Variants in AVL9 observed in about 807,000 individuals in gnomAD.
The protein encoded by AVL9 is late secretory pathway protein AVL9 homolog.
Under a neutral mutation model 79.2 loss-of-function variants are expected in AVL9, and 49 were observed. That is an observed-to-expected ratio of 0.62 (90% CI 0.49 to 0.79). AVL9 has a LOEUF of 0.79. Among genes scored for constraint, AVL9 ranks in the 30% least tolerant of loss-of-function variants. The probability of loss-of-function intolerance (pLI) is 0.00; values close to 1 mark genes in which losing one functional copy is unlikely to be tolerated. For missense variants in AVL9, 682 were observed against 776.8 expected, an observed-to-expected ratio of 0.88 and a Z score of 1.45; for synonymous variants, 299 against 280.6, an observed-to-expected ratio of 1.07 and a Z score of -0.65.
At chr7:32,512,294 G>A (rs932316694) in intron 1 of AVL9, among the ~76,000 whole-genome samples, 23 of 152,198 alleles carry the variant, frequency 1.5e-4, no homozygotes, top group African/African-American at 5.3e-4. Flanking sequence ...CAGGAATTGG[G>A]AAAATGGGAA....
At chr7:32,552,522 C>T (rs1216870726) in intron 6 of AVL9, among the ~76,000 whole-genome samples, 1 of 149,654 alleles carries the variant, frequency 6.7e-6, no homozygotes, top group Admixed American at 6.6e-5. Context: ...TGAATTTCTG[C>T]CTTTTTTTTT....
At chr7:32,528,409 CAG>C (rs950196846) in intron 1 of AVL9, among the ~76,000 whole-genome samples, 1 of 152,152 alleles carries the variant, frequency 6.6e-6, no homozygotes, top group African/African-American at 2.4e-5. Flanking sequence ...TCTCTTGTCT[CAG>C]ATACTTTTTG....
chr7:32,507,347 A>C (rs1447948973), intron 1 of AVL9, among the ~76,000 whole-genome samples: 1 of 152,198 alleles, frequency 6.6e-6, no homozygotes, highest in Admixed American at 6.5e-5. Context: ...GTGTGTAATT[A>C]CCTCACAAGT....
At chr7:32,513,763 T>G (rs368378487) in intron 1 of AVL9, among the ~76,000 whole-genome samples, 75 of 152,230 alleles carry the variant, frequency 4.9e-4, no homozygotes, top group African/African-American at 1.8e-3. Context: ...CCAGCGCTGG[T>G]CTCTGAGTTC....
At chr7:32,506,220 T>A (rs933489706) in intron 1 of AVL9, among the ~76,000 whole-genome samples, 16 of 152,108 alleles carry the variant, frequency 1.1e-4, no homozygotes, top group African/African-American at 2.4e-4. Context: ...TTTAAACAAA[T>A]TTTTTTAAAC....
Position 32,584,202 on chromosome 7 carries a change from T to C in AVL9, c.*295T>C. 2.7e-6 allele frequency: 1 copy of C among 366,140 alleles called. No individual in the cohort carries two copies. The highest frequency in any genetic ancestry group is 5.1e-6 in the Non-Finnish European group (1 of 194,902). 22.7% of individuals were successfully genotyped at this position (366,140 alleles called of 1,614,324 possible). A position where few individuals can be genotyped will look rare whatever the true frequency, so the allele number is the denominator to read the frequency against. ...TTGAGTTCTGATATTGTACATTGGTTTACTTTAGAAGAGTTTTTACTTATG... is the reference window on the plus strand; with the variant it reads ...TTGAGTTCTGATATTGTACATTGGTCTACTTTAGAAGAGTTTTTACTTATG... On this transcript the variant is annotated 3_prime_UTR_variant, in exon 16 of 16. Transcript: ENST00000318709.
intron 10 of AVL9, among the ~76,000 whole-genome samples, chr7:32,562,247 G>T (rs571582674): frequency 6.7e-6 from 1 of 149,996 alleles, no homozygotes; most frequent in Non-Finnish European, 1.5e-5. Flanking sequence ...ATAAAAAGAG[G>T]TGCCTATGTA....
At chr7:32,540,898 T>A (rs1175704081) in intron 1 of AVL9, among the ~76,000 whole-genome samples, 1 of 61,318 alleles carries the variant, frequency 1.6e-5, no homozygotes, top group African/African-American at 8.9e-5. Context: ...TTTTTTTTTT[T>A]TTTTTTTTTT....
At chr7:32,498,358 C>T (rs1786959319) in intron 1 of AVL9, among the ~76,000 whole-genome samples, 1 of 148,858 alleles carries the variant, frequency 6.7e-6, no homozygotes, top group Admixed American at 6.9e-5. Context: ...AAGTGATTCT[C>T]CTGCCTCAGC....
chr7:32,552,161 A>T, intron 5 of AVL9, 68 bp from the exon 6 acceptor site: 1 of 1,016,390 alleles, frequency 9.8e-7, no homozygotes. Context: ...CTTTTTTCTG[A>T]TCAATATATT....
intron 8 of AVL9, among the ~76,000 whole-genome samples, chr7:32,555,184 A>T (rs1790002621): frequency 2.0e-5 from 3 of 152,112 alleles, no homozygotes; most frequent in Admixed American, 1.3e-4. Flanking sequence ...CTCTACAAAA[A>T]ATACAAAAAT....
intron 4 of AVL9, among the ~76,000 whole-genome samples, chr7:32,549,689 C>T (rs976974720): frequency 2.0e-5 from 3 of 151,182 alleles, no homozygotes; most frequent in Non-Finnish European, 3.0e-5. Flanking sequence ...CCGAGGTGGG[C>T]GGATCATGAG....
intron 1 of AVL9, among the ~76,000 whole-genome samples, chr7:32,529,607 A>G (rs1435545658): frequency 6.6e-6 from 1 of 152,258 alleles, no homozygotes; most frequent in Non-Finnish European, 1.5e-5. Flanking sequence ...GCTCTGGGTT[A>G]CATAGCTAAG....
chr7:32,506,599 A>G (rs1251044349), intron 1 of AVL9, among the ~76,000 whole-genome samples: 1 of 152,180 alleles, frequency 6.6e-6, no homozygotes, highest in Non-Finnish European at 1.5e-5. Context: ...GTGGTTGACC[A>G]TGACTAACTG....
Position 32,572,953 on chromosome 7 carries a change from GGTGA to G in AVL9, c.1351-243_1351-240del, listed in dbSNP as rs1382433456. Among the ~76,000 whole-genome samples the G allele has an allele frequency of 6.6e-5, 10 of 151,950 alleles. No individual in the cohort carries two copies. The East Asian group carries it at 1.5e-3, about 23-fold the overall frequency. ...TATTTTCCCAAATATTTGCAATCTA[GGTGA>G]GTAATTTTGTAATTTAAAATACTAT... On this transcript the variant is annotated intron_variant, in intron 11 of 15. Coordinates refer to ENST00000318709, the MANE Select transcript of AVL9 (RefSeq NM_015060.3).
intron 1 of AVL9, among the ~76,000 whole-genome samples, chr7:32,541,704 C>T (rs1051234772): frequency 6.7e-6 from 1 of 148,424 alleles, no homozygotes; most frequent in Non-Finnish European, 1.5e-5. Context: ...ATTTATGCCT[C>T]ACCTTCAGTT....
intron 1 of AVL9, among the ~76,000 whole-genome samples, chr7:32,524,379 A>T (rs1788308335): frequency 6.6e-6 from 1 of 151,986 alleles, no homozygotes; most frequent in Admixed American, 6.5e-5. Flanking sequence ...GCCTGGCATG[A>T]TGGCAGGTGG....
Position 32,548,884 on chromosome 7 carries a change from C to T in AVL9, c.338C>T (p.Thr113Ile). The T allele has an allele frequency of 6.3e-7, 1 of 1,578,548 alleles. No homozygotes were observed. Among genetic ancestry groups the T allele is most frequent in the South Asian group, 1.2e-5 (1 of 83,154 alleles). Residue 113 changes from threonine to isoleucine, a missense_variant, in exon 4 of 16, where the codon ACT (threonine) becomes ATT (isoleucine). Transcript: ENST00000318709. The stretch of plus-strand genomic sequence containing the variant: ...AGGCAAGCAGATATCACCAGAGAGA[C>T]TGTTCAGAAAAGTGTCTGTGTTCTA... ...KVRQADITRE[T>I]VQKSVCVLSK...
At chr7:32,498,224 T>C (rs1288906683) in intron 1 of AVL9, among the ~76,000 whole-genome samples, 1 of 150,750 alleles carries the variant, frequency 6.6e-6, no homozygotes, top group East Asian at 2.0e-4. Flanking sequence ...TTTTCCACCT[T>C]TGAAGTCCTC....
Sources: gnomAD v4.1 joint callset for allele counts (sites outside exome capture counted in the v4.1 genomes callset) on GRCh38, gnomAD v4.1.1 for gene constraint, MANE v1.5 for transcripts, NCBI Gene and HGNC (gene_info 2026-07-23, HGNC 2026-07-21) for gene names.